Variants in CCDC85A observed in about 807,000 individuals in gnomAD.
CCDC85A encodes coiled-coil domain containing 85A.
CCDC85A carries 38 observed loss-of-function variants against 50.2 expected under a neutral mutation model. The observed-to-expected ratio is 0.76, with a 90% confidence interval of 0.58 to 0.99. The LOEUF (loss-of-function observed/expected upper bound fraction) is 0.99, where lower values mean the gene tolerates loss of function less well. Among genes scored for constraint, CCDC85A ranks in the 50% least tolerant of loss-of-function variants. The pLI, the probability that CCDC85A is intolerant of heterozygous loss-of-function variation, is 0.00. For synonymous variants in CCDC85A, 366 were observed against 301.4 expected, an observed-to-expected ratio of 1.21 and a Z score of -2.22; for missense variants, 820 against 742.0, an observed-to-expected ratio of 1.11 and a Z score of -1.22.
intron 2 of CCDC85A, among the ~76,000 whole-genome samples, chr2:56,238,312 G>A (rs188159739): frequency 6.6e-6 from 1 of 151,800 alleles, no homozygotes; most frequent in East Asian, 1.9e-4. Context: ...AGCTATTCAG[G>A]AGCCTGAGGC....
At chr2:56,217,810 G>A (rs1458176528) in intron 2 of CCDC85A, among the ~76,000 whole-genome samples, 1 of 151,828 alleles carries the variant, frequency 6.6e-6, no homozygotes, top group Non-Finnish European at 1.5e-5. Flanking sequence ...AATTGTACAT[G>A]AAAATCATGG....
At chr2:56,206,528 G>A (rs990862916) in intron 2 of CCDC85A, among the ~76,000 whole-genome samples, 1 of 152,034 alleles carries the variant, frequency 6.6e-6, no homozygotes, top group African/African-American at 2.4e-5. Context: ...AGGGCAAGAG[G>A]GCACAAGACA....
intron 2 of CCDC85A, among the ~76,000 whole-genome samples, chr2:56,208,769 A>G (rs1294573793): frequency 1.3e-5 from 2 of 152,140 alleles, no homozygotes; most frequent in East Asian, 3.9e-4. Context: ...GAACATTATT[A>G]GAAGAGCTGG....
At chr2:56,345,967 A>T (rs570821832) in intron 3 of CCDC85A, among the ~76,000 whole-genome samples, 1 of 152,166 alleles carries the variant, frequency 6.6e-6, no homozygotes, top group Non-Finnish European at 1.5e-5. Flanking sequence ...TTCACTCCCA[A>T]ATTTATTAAA....
intron 2 of CCDC85A, among the ~76,000 whole-genome samples, chr2:56,322,782 T>C (rs1342445055): frequency 1.3e-5 from 2 of 152,246 alleles, no homozygotes; most frequent in East Asian, 1.9e-4. Flanking sequence ...GACCCAGCCA[T>C]CCCATTACTG....
intron 2 of CCDC85A, among the ~76,000 whole-genome samples, chr2:56,256,958 A>T (rs1670008825): frequency 6.6e-6 from 1 of 152,222 alleles, no homozygotes; most frequent in Non-Finnish European, 1.5e-5. Context: ...ATTGTCAAAC[A>T]TGTTTGAGAG....
chr2:56,307,543 T>C (rs1672499912), intron 2 of CCDC85A, among the ~76,000 whole-genome samples: 1 of 152,214 alleles, frequency 6.6e-6, no homozygotes, highest in Non-Finnish European at 1.5e-5. Flanking sequence ...CGGGGTTTGC[T>C]CTTCTTTATT....
chr2:56,204,254 T>C (rs991251016), intron 2 of CCDC85A, among the ~76,000 whole-genome samples: 3 of 152,218 alleles, frequency 2.0e-5, no homozygotes, highest in African/African-American at 4.8e-5. Flanking sequence ...GGGCAATCTT[T>C]TTCTCCAAAG....
At chr2:56,275,159 C>T (rs1670870634) in intron 2 of CCDC85A, among the ~76,000 whole-genome samples, 2 of 152,100 alleles carry the variant, frequency 1.3e-5, no homozygotes, top group African/African-American at 4.8e-5. Context: ...TCACAGAAAC[C>T]TGCTTTGAAC....
chr2:56,200,804 T>G (rs1052995693), intron 2 of CCDC85A, among the ~76,000 whole-genome samples: 36 of 151,994 alleles, frequency 2.4e-4, no homozygotes, highest in Admixed American at 2.0e-3. Context: ...TTTATGTGTA[T>G]TATGGAATTT....
intron 2 of CCDC85A, among the ~76,000 whole-genome samples, chr2:56,268,625 G>A (rs77621603): frequency 0.26 from 38,720 of 146,686 alleles, 5,835 homozygotes; most frequent in South Asian, 0.37. Flanking sequence ...GAAAAGAAAA[G>A]AAGAAAAAAA....
In CCDC85A at chr2:56,251,969, T is replaced by C. The variant is rs547282668; in HGVS notation, c.1240+58529T>C. Among the ~76,000 whole-genome samples the C allele has an allele frequency of 2.0e-5, 3 of 152,198 alleles. No individual in the cohort carries two copies. The East Asian group carries it at 5.8e-4, about 29-fold the overall frequency. Reference sequence around the variant, plus strand: ...CACAACGTGCAGGTTTGTCGGATAGTCTGTGCTATTCAGTTTGACCTAGTC... The same window carrying C: ...CACAACGTGCAGGTTTGTCGGATAGCCTGTGCTATTCAGTTTGACCTAGTC... On this transcript the variant is annotated intron_variant, in intron 2 of 5. Transcript: ENST00000407595.
intron 5 of CCDC85A, chr2:56,379,933 C>A: frequency 3.6e-6 from 1 of 279,850 alleles, no homozygotes; most frequent in Non-Finnish European, 5.4e-6. Context: ...TTTTAAAATG[C>A]TGACCAAATG....
chr2:56,294,074 G>A (rs1185938628), intron 2 of CCDC85A, among the ~76,000 whole-genome samples: 1 of 152,174 alleles, frequency 6.6e-6, no homozygotes, highest in Non-Finnish European at 1.5e-5. Flanking sequence ...ATCAATGATA[G>A]AGTGGGTAAA....
At chr2:56,325,696 CTG>C (rs1356525060) in intron 2 of CCDC85A, among the ~76,000 whole-genome samples, 1 of 151,982 alleles carries the variant, frequency 6.6e-6, no homozygotes, top group Non-Finnish European at 1.5e-5. Flanking sequence ...TGCACTTTGC[CTG>C]TGTGTGTGTC....
intron 2 of CCDC85A, among the ~76,000 whole-genome samples, chr2:56,214,167 A>G (rs898821272): frequency 7.9e-5 from 12 of 151,980 alleles, no homozygotes; most frequent in African/African-American, 2.9e-4. Context: ...ACAAGGTTTG[A>G]ATCCTAGCTT....
chr2:56,373,898 A>G (rs190408439), intron 4 of CCDC85A, among the ~76,000 whole-genome samples: 12 of 152,316 alleles, frequency 7.9e-5, no homozygotes, highest in Admixed American at 7.8e-4. Flanking sequence ...TAATTTTGGA[A>G]CCATTTGATT....
At chr2:56,208,962 T>G (rs1677069760) in intron 2 of CCDC85A, among the ~76,000 whole-genome samples, 1 of 152,096 alleles carries the variant, frequency 6.6e-6, no homozygotes, top group African/African-American at 2.4e-5. Context: ...TTCATCTTTC[T>G]CAAGGATATC....
chr2:56,357,242 C>T (rs1675280086), intron 3 of CCDC85A, among the ~76,000 whole-genome samples: 2 of 152,130 alleles, frequency 1.3e-5, no homozygotes. Context: ...TCAAGATAGG[C>T]ATGAGAGAAG....
Sources: allele counts gnomAD v4.1 joint callset (sites outside exome capture counted in the v4.1 genomes callset), GRCh38; gene constraint gnomAD v4.1.1; transcripts MANE v1.5; gene names NCBI Gene and HGNC (gene_info 2026-07-23, HGNC 2026-07-21).